Variants in PTPRE observed in about 807,000 individuals in gnomAD.
PTPRE encodes receptor-type tyrosine-protein phosphatase epsilon.
Under a neutral mutation model 102.0 loss-of-function variants are expected in PTPRE, and 51 were observed. The ratio of observed to expected loss-of-function variants is 0.50; its 90% CI spans 0.40 to 0.63. The LOEUF (loss-of-function observed/expected upper bound fraction) is 0.63, where lower values mean the gene tolerates loss of function less well. Among genes scored for constraint, PTPRE ranks in the 30% least tolerant of loss-of-function variants. The pLI, the probability that PTPRE is intolerant of heterozygous loss-of-function variation, is 0.00. For synonymous variants in PTPRE, 345 were observed against 348.2 expected (o/e 0.99, Z 0.10); for missense variants, 752 against 915.1 (o/e 0.82, Z 2.30).
intron 1 of PTPRE, chr10:127,936,214 T>C (rs935453687): frequency 2.0e-5 from 3 of 152,256 alleles, no homozygotes; most frequent in African/African-American, 7.2e-5. Context: ...TGCCATTTTC[T>C]ATCTTACACT....
intron 9 of PTPRE, 127 bp downstream of exon 9, chr10:128,061,842 A>T: frequency 8.7e-7 from 1 of 1,148,316 alleles, no homozygotes; most frequent in South Asian, 1.7e-5. Flanking sequence ...CCTAACAGAC[A>T]CGTTAGATAT....
intron 2 of PTPRE, among the ~76,000 whole-genome samples, chr10:128,023,295 TAGTA>T (rs1190696245): frequency 6.6e-6 from 1 of 151,962 alleles, no homozygotes; most frequent in Non-Finnish European, 1.5e-5. Context: ...TATATATACA[TAGTA>T]TGTATAGGAA....
Position 128,066,210 on chromosome 10 carries a change from T to C in PTPRE, c.843+16T>C, listed in dbSNP as rs1850075201. 1 of 1,611,382 alleles carries C rather than the reference T, an allele frequency of 6.2e-7. No homozygotes were observed. Among genetic ancestry groups the C allele is most frequent in the African/African-American group, 1.3e-5 (1 of 74,878 alleles). The stretch of plus-strand genomic sequence containing the variant: ...CATACAGCCAGTAAGCATCTCTAGT[T>C]GCTGCCCTTCCAGAAAGATCATTTT... On this transcript the variant is annotated intron_variant, in intron 11 of 20. Coordinates refer to ENST00000254667, the MANE Select transcript of PTPRE (RefSeq NM_006504.6).
At chr10:128,035,787 G>C (rs917613298) in intron 2 of PTPRE, among the ~76,000 whole-genome samples, 3 of 152,236 alleles carry the variant, frequency 2.0e-5, no homozygotes, top group Non-Finnish European at 4.4e-5. Flanking sequence ...GGCAACTCCT[G>C]CTCAGAGGCA....
At chr10:127,973,931 C>T (rs1051542300) in intron 1 of PTPRE, among the ~76,000 whole-genome samples, 4 of 152,180 alleles carry the variant, frequency 2.6e-5, no homozygotes, top group East Asian at 1.9e-4. Flanking sequence ...GCCCCCTCCC[C>T]GGCCGCCCAC....
chr10:127,998,773 A>G (rs932838550), intron 2 of PTPRE: 8 of 152,160 alleles, frequency 5.3e-5, no homozygotes, highest in East Asian at 1.9e-4. Context: ...TGGGAAGGGC[A>G]CTTCTTTATG....
intron 1 of PTPRE, among the ~76,000 whole-genome samples, chr10:127,923,600 C>T (rs769320381): frequency 6.6e-6 from 1 of 151,984 alleles, no homozygotes; most frequent in Non-Finnish European, 1.5e-5. Flanking sequence ...GACTGGGTTT[C>T]ACCACGTTGG....
At chr10:127,953,164 G>C (rs1017625303) in intron 1 of PTPRE, among the ~76,000 whole-genome samples, 2 of 152,218 alleles carry the variant, frequency 1.3e-5, no homozygotes, top group African/African-American at 4.8e-5. Flanking sequence ...GTCAGAACAG[G>C]AGAAGGCTCT....
intron 1 of PTPRE, among the ~76,000 whole-genome samples, chr10:127,924,164 T>A (rs1192375004): frequency 6.6e-6 from 1 of 152,186 alleles, no homozygotes; most frequent in Non-Finnish European, 1.5e-5. Context: ...AGGGACAAGT[T>A]ACAGGGTGAC....
chr10:128,072,536 C>T, intron 16 of PTPRE: 1 of 204,066 alleles, frequency 4.9e-6, no homozygotes, highest in Non-Finnish European at 9.9e-6. Flanking sequence ...CCTGTAATCC[C>T]AGCTACTTGG....
chr10:127,974,032 C>G (rs1220833494), intron 1 of PTPRE, among the ~76,000 whole-genome samples: 1 of 152,226 alleles, frequency 6.6e-6, no homozygotes, highest in African/African-American at 2.4e-5. Flanking sequence ...TTAGCATGGT[C>G]CTGCCCCTTA....
intron 2 of PTPRE, among the ~76,000 whole-genome samples, chr10:128,019,006 T>G (rs1459434279): frequency 6.6e-6 from 1 of 152,222 alleles, no homozygotes; most frequent in Non-Finnish European, 1.5e-5. Flanking sequence ...AGGACTCCAG[T>G]GGGTCAGGAG....
intron 2 of PTPRE, among the ~76,000 whole-genome samples, chr10:128,034,208 G>A (rs561981622): frequency 1.3e-5 from 2 of 152,218 alleles, no homozygotes; most frequent in Admixed American, 6.5e-5. Flanking sequence ...TAAAAAGATG[G>A]TGAATCTTTC....
At chr10:128,030,236 G>A (rs1026445567) in intron 2 of PTPRE, among the ~76,000 whole-genome samples, 1 of 152,202 alleles carries the variant, frequency 6.6e-6, no homozygotes, top group African/African-American at 2.4e-5. Context: ...CGAACAACGG[G>A]GCCACGCCGT....
At chr10:128,041,019 C>T (rs753930772) in intron 3 of PTPRE, 29 bp downstream of exon 3, 1 of 1,580,372 alleles carries the variant, frequency 6.3e-7, no homozygotes, top group Non-Finnish European at 8.7e-7. Flanking sequence ...GGCTGCCTCC[C>T]CTACTACCTC....
intron 2 of PTPRE, chr10:127,987,187 G>A: frequency 2.7e-6 from 1 of 376,330 alleles, no homozygotes; most frequent in Non-Finnish European, 3.7e-6. Flanking sequence ...TTGTCACAGA[G>A]CAAAGGCATG....
chr10:127,977,373 G>A (rs562892562), intron 1 of PTPRE, among the ~76,000 whole-genome samples: 69 of 152,254 alleles, frequency 4.5e-4, no homozygotes, highest in African/African-American at 1.6e-3. Context: ...ATAGAAACAT[G>A]TATGTAAACA....
intron 2 of PTPRE, among the ~76,000 whole-genome samples, chr10:128,009,864 G>A (rs867292427): frequency 3.9e-5 from 6 of 152,132 alleles, no homozygotes; most frequent in East Asian, 3.8e-4. Flanking sequence ...CTGAGTGGTG[G>A]CCTCACCCCC....
At chr10:127,923,131 G>A (rs1349374499) in intron 1 of PTPRE, among the ~76,000 whole-genome samples, 2 of 152,368 alleles carry the variant, frequency 1.3e-5, no homozygotes, top group Admixed American at 6.5e-5. Flanking sequence ...AGCGGCTGGC[G>A]TGCCATTCTT....
Sources: allele counts gnomAD v4.1 joint callset (sites outside exome capture counted in the v4.1 genomes callset), GRCh38; gene constraint gnomAD v4.1.1; transcripts MANE v1.5; gene names NCBI Gene and HGNC (gene_info 2026-07-23, HGNC 2026-07-21).